TET3: variants seen among roughly 807,000 people sequenced by gnomAD.
The protein encoded by TET3 is tet methylcytosine dioxygenase 3, also known as methylcytosine dioxygenase TET3.
TET3 carries 19 observed loss-of-function variants against 141.4 expected under a neutral mutation model. The observed-to-expected ratio is 0.13, with a 90% CI of 0.09 to 0.20. The LOEUF (loss-of-function observed/expected upper bound fraction) is 0.20, where lower values mean the gene tolerates loss of function less well. Ranked by LOEUF, TET3 falls within the 10% of genes least tolerant of loss-of-function variation. TET3 has a pLI of 1.00. For missense variants in TET3, 1,874 were observed against 2,356.9 expected (o/e 0.80, Z 4.24); for synonymous variants, 1,043 against 980.9 (o/e 1.06, Z -1.18).
At chr2:74,060,257 C>T (rs539561877) in intron 4 of TET3, among the ~76,000 whole-genome samples, 2 of 152,306 alleles carry the variant, frequency 1.3e-5, no homozygotes, top group African/African-American at 2.4e-5. Flanking sequence ...AGCAGTTTTT[C>T]ATATGCCGTC....
the TET3 span, among the ~76,000 whole-genome samples, chr2:74,113,879 C>T: frequency 6.6e-6 from 1 of 151,912 alleles, no homozygotes; most frequent in Non-Finnish European, 1.5e-5. Flanking sequence ...TAATACTACC[C>T]AAAGCAAGCT....
chr2:74,013,312 A>T (rs1685566770), intron 3 of TET3, among the ~76,000 whole-genome samples: 2 of 151,666 alleles, frequency 1.3e-5, no homozygotes, highest in Admixed American at 6.6e-5. Flanking sequence ...TATTTTTTTA[A>T]CATGCTGTTT....
chr2:74,115,719 A>C, the TET3 span, among the ~76,000 whole-genome samples: 1 of 152,320 alleles, frequency 6.6e-6, no homozygotes, highest in Middle Eastern at 3.4e-3. Flanking sequence ...GCAAACAAAA[A>C]AATGTGCAAA....
In TET3 at chr2:74,105,363, A is replaced by C. The variant is rs184369571; in HGVS notation, c.*3187A>C. The C allele has an allele frequency of 3.0e-5, 12 of 398,622 alleles. No homozygotes were observed. The highest frequency in any genetic ancestry group is 2.2e-4 in the Admixed American group (5 of 22,738). The allele number at this position is 398,622 out of a possible 1,614,324, so 24.7% of individuals were successfully genotyped here. On this transcript the variant is annotated 3_prime_UTR_variant, in exon 12 of 12. Transcript: ENST00000409262. Reference sequence around the variant, plus strand: ...TTGCGTGCAAGGGAAGTGCTTGTAAAGTTCTGTGCTACGAGATTTTTAAAA... The same window carrying C: ...TTGCGTGCAAGGGAAGTGCTTGTAACGTTCTGTGCTACGAGATTTTTAAAA...
chr2:73,991,828 AGAAG>A (rs1684342448), intron 2 of TET3, among the ~76,000 whole-genome samples: 1 of 145,466 alleles, frequency 6.9e-6, no homozygotes, highest in Non-Finnish European at 1.5e-5. Flanking sequence ...AAAAAAAAAA[AGAAG>A]GAAACGCTGA....
intron 3 of TET3, among the ~76,000 whole-genome samples, chr2:74,035,370 A>G: frequency 6.8e-6 from 1 of 147,798 alleles, no homozygotes; most frequent in Non-Finnish European, 1.5e-5. Context: ...AGGCTGAGGC[A>G]GGAGAATGGC....
At chr2:74,071,603 T>C (rs955889871) in intron 4 of TET3, among the ~76,000 whole-genome samples, 23 of 152,346 alleles carry the variant, frequency 1.5e-4, no homozygotes, top group Admixed American at 5.2e-4. Flanking sequence ...GAAATTAACG[T>C]TGGTACAATA....
rs766239158 is a variant in TET3, at chr2:74,101,625, G to T, written c.4837G>T (p.Ala1613Ser). Residue 1613 changes from alanine (A) to serine (S), a missense_variant, in exon 12 of 12, where the codon GCT becomes TCT. Transcript: ENST00000409262. The surrounding 1 kb of genome is among the most constrained non-coding windows in gnomAD (Gnocchi z 8.5). ...WDPFSLEEGPAEEPPSKGAVK... is the reference protein window; with the variant it reads ...WDPFSLEEGPSEEPPSKGAVK... ...CCCCTTCAGCCTGGAGGAGGGGCCG[G>T]CTGAGGAGCCCCCCAGCAAGGGAGC... 1.2e-6 allele frequency: 2 copies of T among 1,613,246 alleles called. No individual in the cohort carries two copies. The highest frequency in any genetic ancestry group is 1.3e-5 in the African/African-American group (1 of 75,038).
rs1687651920 is a variant in TET3, at chr2:74,046,851, G to A, written c.934G>A (p.Glu312Lys). ...GCTCCCAGGGCCTCTGCCTCCTGGTGAGGCCGGCCTCCCAGCACCAAGCAC... is the reference window on the plus strand; with the variant it reads ...GCTCCCAGGGCCTCTGCCTCCTGGTAAGGCCGGCCTCCCAGCACCAAGCAC... ...PRLPGPLPPG[E>K]AGLPAPSTRP... Residue 312 changes from glutamate (E) to lysine (K), a missense_variant, in exon 4 of 12, where the codon GAG (glutamate) becomes AAG (lysine). This residue lies in a region of TET3 where 366 missense variants were observed against 487.0 expected (regional missense o/e 0.75). Coordinates refer to ENST00000409262, the MANE Select transcript of TET3 (RefSeq NM_001287491.2). This position sits in a 1 kb window ranked among gnomAD's most constrained non-coding sequence, Gnocchi z 4.3. 1 of 1,613,300 alleles carries A rather than the reference G, an allele frequency of 6.2e-7. No homozygotes were observed. The highest frequency in any genetic ancestry group is 1.1e-5 in the South Asian group (1 of 91,090).
At chr2:74,072,020 C>CT (rs1689234682) in intron 4 of TET3, among the ~76,000 whole-genome samples, 1 of 152,122 alleles carries the variant, frequency 6.6e-6, no homozygotes, top group Admixed American at 6.5e-5. Flanking sequence ...ACCACATCTC[C>CT]CTCCAGTTTT....
intron 3 of TET3, among the ~76,000 whole-genome samples, chr2:74,018,260 CCTGGCCTTCTT>C (rs1685841905): frequency 6.6e-6 from 1 of 152,064 alleles, no homozygotes; most frequent in Admixed American, 6.6e-5. Context: ...AGCCACCGTG[CCTGGCCTTCTT>C]CTGTCATCTT....
At chr2:74,098,484 C>T (rs1234178306) in intron 10 of TET3, among the ~76,000 whole-genome samples, 4 of 151,634 alleles carry the variant, frequency 2.6e-5, no homozygotes, top group Admixed American at 6.6e-5. Context: ...ATTAGGTGAC[C>T]GTGATATTTA....
chr2:74,034,962 C>A (rs893313559), intron 3 of TET3, among the ~76,000 whole-genome samples: 1 of 149,506 alleles, frequency 6.7e-6, no homozygotes, highest in Admixed American at 6.7e-5. Context: ...GAGGCTGAGG[C>A]AAGCAGATCA....
intron 2 of TET3, chr2:74,002,786 G>T: frequency 1.8e-6 from 1 of 569,410 alleles, no homozygotes; most frequent in Non-Finnish European, 3.1e-6. Flanking sequence ...CGATGCACCA[G>T]AGGAGGCCGG....
In TET3 at chr2:74,001,385, C is replaced by A. The variant is rs1684842502; in HGVS notation, c.304-1725C>A. ...TTCTCCCTGGCCTCAGCTTATTCAT[C>A]TGTGAGAATGAGAAGGAGCACCCAG... On this transcript the variant is annotated intron_variant, in intron 2 of 11. Transcript: ENST00000409262. Among the ~76,000 whole-genome samples, 4 of 152,202 alleles carry A rather than the reference C, an allele frequency of 2.6e-5. No homozygotes were observed. The South Asian group carries it at 8.3e-4, about 32-fold the overall frequency.
intron 4 of TET3, among the ~76,000 whole-genome samples, chr2:74,062,518 A>T (rs1196318526): frequency 6.6e-6 from 1 of 152,248 alleles, no homozygotes; most frequent in African/African-American, 2.4e-5. Flanking sequence ...GATACCAGTG[A>T]AAAGCAGAAG....
intron 3 of TET3, among the ~76,000 whole-genome samples, chr2:74,015,253 C>G (rs552361250): frequency 1.3e-5 from 2 of 152,170 alleles, no homozygotes; most frequent in Non-Finnish European, 2.9e-5. Context: ...CTTTTGAGTT[C>G]AACCAAGAAA....
Position 74,048,029 on chromosome 2 carries a change from T to A in TET3, c.2112T>A (p.Asp704Glu), listed in dbSNP as rs750603188. The change falls in exon 4 of 12, where the codon GAT becomes GAA. Residue 704 changes from aspartate (D) to glutamate (E), a missense_variant. Coordinates refer to ENST00000409262, the MANE Select transcript of TET3 (RefSeq NM_001287491.2). ...PGSTGPLPPA[D>E]DKLEELIRQF... ...CCACTGGCCCTCTTCCCCCTGCCGA[T>A]GACAAGCTGGAAGAGCTCATCCGGC... The A allele has an allele frequency of 6.2e-6, 10 of 1,609,714 alleles. No individual in the cohort carries two copies. The highest frequency in any genetic ancestry group is 5.1e-6 in the Non-Finnish European group (6 of 1,177,938).
At position 74,099,304 on chromosome 2, in the gene TET3, G is replaced by A; in HGVS notation, c.3296G>A (p.Arg1099His). The part of the protein sequence containing the change: ...VVCTLTKEDN[R>H]CVGKIPEDEQ... ...TGCACCCTGACCAAGGAAGACAATC[G>A]CTGCGTGGGCAAGATTCCCGAGGAT... Residue 1099 changes from arginine to histidine, a missense_variant, in exon 11 of 12, where the codon CGC (arginine) becomes CAC (histidine). Arg to His is a conservative substitution (Grantham distance 29). Transcript: ENST00000409262. The A allele has an allele frequency of 6.2e-7, 1 of 1,607,694 alleles. No individual in the cohort carries two copies. Among genetic ancestry groups the A allele is most frequent in the Non-Finnish European group, 8.5e-7 (1 of 1,177,006 alleles).
Sources: allele counts gnomAD v4.1 joint callset (sites outside exome capture counted in the v4.1 genomes callset), GRCh38; gene constraint gnomAD v4.1.1; regional missense constraint gnomAD v4.1.1; non-coding constraint Gnocchi (gnomAD v3.1); transcripts MANE v1.5; gene names NCBI Gene and HGNC (gene_info 2026-07-23, HGNC 2026-07-21).